MAML2: variants seen among roughly 807,000 people sequenced by gnomAD.
MAML2 encodes the protein mastermind-like protein 2.
A neutral mutation model predicts 96.1 loss-of-function variants in MAML2; 22 were observed. That is an observed-to-expected ratio of 0.23 (90% CI 0.16 to 0.33). The LOEUF is 0.33. MAML2 is among the 10% of genes least tolerant of loss of function. The probability of loss-of-function intolerance (pLI) is 1.00; values close to 1 mark genes in which losing one functional copy is unlikely to be tolerated. For missense variants in MAML2, 1,367 were observed against 1,392.4 expected, an observed-to-expected ratio of 0.98 and a Z score of 0.29; for synonymous variants, 561 against 521.3, an observed-to-expected ratio of 1.08 and a Z score of -1.04.
Position 96,020,617 on chromosome 11 carries a change from C to A in MAML2, c.2140-28894G>T, listed in dbSNP as rs138995273. Among the ~76,000 whole-genome samples, 3 of 152,146 alleles carry A rather than the reference C, an allele frequency of 2.0e-5. No homozygotes were observed. In the East Asian group the frequency reaches 5.8e-4, roughly 29 times the overall value. ...TCTGATGCAGTGGATCCGCAGGCCACGTGTGAACTGATGAGAGCTAGGTGA... is the reference window on the plus strand; with the variant it reads ...TCTGATGCAGTGGATCCGCAGGCCAAGTGTGAACTGATGAGAGCTAGGTGA... On this transcript the variant is annotated intron_variant, in intron 2 of 4. Transcript: ENST00000524717.
intron 3 of MAML2, 95 bp from the exon 4 acceptor site, chr11:95,985,737 G>GATTGCAAA (rs1321441065): frequency 1.3e-6 from 1 of 751,870 alleles, no homozygotes; most frequent in African/African-American, 1.8e-5. Context: ...GAAAATATAA[G>GATTGCAAA]AACAATTTTG....
chr11:96,257,840 G>A (rs535657226), intron 1 of MAML2, among the ~76,000 whole-genome samples: 2 of 152,258 alleles, frequency 1.3e-5, no homozygotes, highest in South Asian at 4.1e-4. Flanking sequence ...GGAAAATAAT[G>A]AATTGGGAAG....
intron 1 of MAML2, among the ~76,000 whole-genome samples, chr11:96,309,916 C>G (rs888016444): frequency 6.6e-6 from 1 of 151,810 alleles, no homozygotes; most frequent in Non-Finnish European, 1.5e-5. Flanking sequence ...TTGACTAGGC[C>G]GGTCTTAAAC....
chr11:96,231,556 A>C (rs1862293836), intron 1 of MAML2, among the ~76,000 whole-genome samples: 1 of 152,212 alleles, frequency 6.6e-6, no homozygotes, highest in Admixed American at 6.5e-5. Context: ...ATTGTTCTAC[A>C]TACAAGAGAG....
chr11:96,296,299 G>C (rs916421011), intron 1 of MAML2, among the ~76,000 whole-genome samples: 1 of 152,090 alleles, frequency 6.6e-6, no homozygotes, highest in Non-Finnish European at 1.5e-5. Flanking sequence ...CTACCCTAAA[G>C]TGCCTAAATT....
rs149118834 is a variant in MAML2, at chr11:96,146,791, GAGA to G, written c.514-53277_514-53275del. On this transcript the variant is annotated intron_variant, in intron 1 of 4. Transcript: ENST00000524717. ...CAGTTGTTCATTTGGGTTTGTAAGA[GAGA>G]AGTAGTTTGATGTTGAAAATGCTGT... Among the ~76,000 whole-genome samples, 688 of 152,334 alleles carry G rather than the reference GAGA, an allele frequency of 4.5e-3. 3 individuals are homozygous for G. Among genetic ancestry groups the G allele is most frequent in the African/African-American group, 0.016 (645 of 41,580 alleles).
At chr11:96,333,745 A>C (rs889794662) in intron 1 of MAML2, among the ~76,000 whole-genome samples, 1 of 152,232 alleles carries the variant, frequency 6.6e-6, no homozygotes, top group Non-Finnish European at 1.5e-5. Context: ...CAAAAGCATA[A>C]ATTTAAATCT....
At chr11:96,072,647 A>G (rs935573390) in intron 2 of MAML2, among the ~76,000 whole-genome samples, 1 of 152,302 alleles carries the variant, frequency 6.6e-6, no homozygotes, top group Middle Eastern at 3.4e-3. Flanking sequence ...CCTCAACTTG[A>G]AAGAGCTCGC....
chr11:95,978,837 A>AT lies in MAML2; in HGVS notation c.*110dup, dbSNP rs753968757. 4.4e-5 allele frequency: 44 copies of AT among 1,002,732 alleles called. No individual in the cohort carries two copies. The highest frequency in any genetic ancestry group is 6.1e-5 in the Non-Finnish European group (43 of 705,308). 62.1% of individuals were successfully genotyped at this position (1,002,732 alleles called of 1,614,324 possible). On this transcript the variant is annotated 3_prime_UTR_variant, in exon 5 of 5. Coordinates refer to ENST00000524717, the MANE Select transcript of MAML2 (RefSeq NM_032427.4). ...TACTTTCTGCTTTCCATTTTTAAGC[A>AT]TGTTATCTTCATGTAGTCCACCTGA...
intron 1 of MAML2, among the ~76,000 whole-genome samples, chr11:96,325,327 C>T (rs1490531670): frequency 2.6e-5 from 4 of 152,110 alleles, no homozygotes; most frequent in African/African-American, 4.8e-5. Context: ...ATACCTGTCT[C>T]TTAAACGAGG....
intron 1 of MAML2, among the ~76,000 whole-genome samples, chr11:96,150,582 G>T (rs572213814): frequency 6.6e-6 from 1 of 152,324 alleles, no homozygotes; most frequent in South Asian, 2.1e-4. Context: ...AGGATGATGA[G>T]AGCAGAGAGT....
At chr11:96,113,205 TTTTC>T (rs1165210273) in intron 1 of MAML2, among the ~76,000 whole-genome samples, 1 of 151,884 alleles carries the variant, frequency 6.6e-6, no homozygotes, top group Non-Finnish European at 1.5e-5. Context: ...GAGGCTTTCT[TTTTC>T]TTAGCGACAA....
At chr11:96,058,249 C>T (rs1440246563) in intron 2 of MAML2, among the ~76,000 whole-genome samples, 2 of 152,170 alleles carry the variant, frequency 1.3e-5, no homozygotes. Context: ...TTCATCTTAT[C>T]CCCAGAAAAG....
At chr11:96,223,551 T>C (rs1485502864) in intron 1 of MAML2, among the ~76,000 whole-genome samples, 4 of 151,672 alleles carry the variant, frequency 2.6e-5, no homozygotes, top group Non-Finnish European at 5.9e-5. Flanking sequence ...TTCTTTTTTT[T>C]TCTTTTTTTC....
chr11:96,254,434 TA>T (rs1257117320), intron 1 of MAML2, among the ~76,000 whole-genome samples: 1 of 151,338 alleles, frequency 6.6e-6, no homozygotes, highest in Non-Finnish European at 1.5e-5. Flanking sequence ...CTGTGGCTCT[TA>T]ATAGTAGGGC....
At chr11:96,061,740 C>T (rs1656097461) in intron 2 of MAML2, among the ~76,000 whole-genome samples, 1 of 152,068 alleles carries the variant, frequency 6.6e-6, no homozygotes, top group South Asian at 2.1e-4. Flanking sequence ...CCATTTCAAA[C>T]AAAACTTTCC....
At chr11:96,274,471 T>A (rs1165584313) in intron 1 of MAML2, among the ~76,000 whole-genome samples, 1 of 152,220 alleles carries the variant, frequency 6.6e-6, no homozygotes, top group East Asian at 1.9e-4. Flanking sequence ...GTTGTTGTAT[T>A]TTTGTTTCTC....
At chr11:96,189,576 C>T (rs999657186) in intron 1 of MAML2, among the ~76,000 whole-genome samples, 29 of 152,220 alleles carry the variant, frequency 1.9e-4, no homozygotes, top group Non-Finnish European at 1.6e-4. Flanking sequence ...TAATTTGCAA[C>T]AGCAAATCTG....
chr11:96,025,880 T>A (rs1457268094), intron 2 of MAML2, among the ~76,000 whole-genome samples: 1 of 152,154 alleles, frequency 6.6e-6, no homozygotes, highest in African/African-American at 2.4e-5. Flanking sequence ...AATTATTTTT[T>A]AAAAAGATTC....
Sources: gnomAD v4.1 joint callset for allele counts (sites outside exome capture counted in the v4.1 genomes callset) on GRCh38, gnomAD v4.1.1 for gene constraint, MANE v1.5 for transcripts, NCBI Gene and HGNC (gene_info 2026-07-23, HGNC 2026-07-21) for gene names.